Variants in CFAP43 observed in about 807,000 individuals in gnomAD.
CFAP43 encodes the protein cilia- and flagella-associated protein 43.
In CFAP43, 155 loss-of-function variants were observed where a neutral mutation model predicts 218.9. The ratio of observed to expected loss-of-function variants is 0.71; its 90% CI spans 0.62 to 0.81. The LOEUF is 0.81. Ranked by LOEUF, CFAP43 falls within the 30% of genes least tolerant of loss-of-function variation. The pLI is 0.00. For synonymous variants in CFAP43, 645 were observed against 681.3 expected (o/e 0.95, Z 0.83); for missense variants, 1,778 against 1,954.3 (o/e 0.91, Z 1.70).
At chr10:104,164,600 A>G (rs1317625657) in intron 23 of CFAP43, among the ~76,000 whole-genome samples, 1 of 152,062 alleles carries the variant, frequency 6.6e-6, no homozygotes, top group African/African-American at 2.4e-5. Flanking sequence ...GGGTTTCACT[A>G]TGTTAGCCAG....
intron 3 of CFAP43, among the ~76,000 whole-genome samples, chr10:104,221,228 G>C (rs913036462): frequency 6.6e-6 from 1 of 152,114 alleles, no homozygotes; most frequent in African/African-American, 2.4e-5. Context: ...GCCCACCTTG[G>C]CCTCCCAAAG....
rs756475731 is a variant in CFAP43, at chr10:104,162,353, G to A, written c.3297C>T (p.Ile1099=). 15 of 1,614,042 alleles carry A rather than the reference G, an allele frequency of 9.3e-6. No individual in the cohort carries two copies. Among genetic ancestry groups the A allele is most frequent in the South Asian group, 5.5e-5 (5 of 91,082 alleles). ...GCCAGTGCTCCTTTTCATGATTCAC[G>A]ATCAATTCTTTGGCTTTGTGCCACG... ...IKPWHKAKEL[I]VNHEKEHWLL... The change falls in exon 25 of 38, where the codon ATC becomes ATT. Residue 1099 remains isoleucine, a synonymous_variant. Coordinates refer to ENST00000357060, the MANE Select transcript of CFAP43 (RefSeq NM_025145.7).
chr10:104,142,366 C>T lies in CFAP43; in HGVS notation c.4186G>A (p.Glu1396Lys). The change falls in exon 33 of 38, where the codon GAA (glutamate) becomes AAA (lysine). Residue 1396 changes from glutamate to lysine, a missense_variant. By Grantham distance (56) the Glu-to-Lys change is moderately conservative. Transcript: ENST00000357060. ...KVKQKAADLL[E>K]MATFLQKRVE... ...CTCTTCTGGAGGAAAGTTGCCATTT[C>T]CAATAAGTCAGCTGCTTTCTGCTTT... 15 of 1,613,120 alleles carry T rather than the reference C, an allele frequency of 9.3e-6. No homozygotes were observed. The highest frequency in any genetic ancestry group is 1.3e-5 in the Non-Finnish European group (15 of 1,179,572).
chr10:104,232,041 A>C, intron 1 of CFAP43, 141 bp downstream of exon 1: 1 of 874,138 alleles, frequency 1.1e-6, no homozygotes, highest in Non-Finnish European at 1.7e-6. Context: ...AGGCTGAGGG[A>C]AGGCACTGGG....
Position 104,232,345 on chromosome 10 carries a change from G to A in CFAP43, c.-99C>T. 5.6e-6 allele frequency: 7 copies of A among 1,251,316 alleles called. No homozygotes were observed. Among genetic ancestry groups the A allele is most frequent in the Non-Finnish European group, 7.5e-6 (7 of 930,042 alleles). 77.5% of individuals were successfully genotyped at this position (1,251,316 alleles called of 1,614,324 possible). On this transcript the variant is annotated 5_prime_UTR_variant, in exon 1 of 38. Coordinates refer to ENST00000357060, the MANE Select transcript of CFAP43 (RefSeq NM_025145.7). ...CCGCGGGGCTGCGGGCCGCGACGCC[G>A]CTGCTGTGTACACCCGTATCCCGGA...
chr10:104,172,325 A>T (rs994241872), intron 20 of CFAP43, 85 bp downstream of exon 20: 1 of 1,511,602 alleles, frequency 6.6e-7, no homozygotes. Context: ...TCATATTCAC[A>T]TTATTATGAA....
At chr10:104,191,810 A>G (rs1431403053) in intron 12 of CFAP43, among the ~76,000 whole-genome samples, 3 of 151,644 alleles carry the variant, frequency 2.0e-5, no homozygotes, top group Non-Finnish European at 4.4e-5. Context: ...AAACACATAT[A>G]CAGTTGGCAT....
At chr10:104,184,910 G>A in intron 16 of CFAP43, 106 bp downstream of exon 16, 1 of 1,490,960 alleles carries the variant, frequency 6.7e-7, no homozygotes, top group South Asian at 1.4e-5. Flanking sequence ...TCTTTGCACT[G>A]GCAGTGGTCT....
chr10:104,171,552 C>T (rs2134844608), intron 20 of CFAP43, among the ~76,000 whole-genome samples: 1 of 152,310 alleles, frequency 6.6e-6, no homozygotes, highest in East Asian at 1.9e-4. Flanking sequence ...CTATTATAAT[C>T]CACCTTAACT....
At chr10:104,217,608 C>T (rs2091051204) in intron 3 of CFAP43, among the ~76,000 whole-genome samples, 1 of 152,130 alleles carries the variant, frequency 6.6e-6, no homozygotes, top group African/African-American at 2.4e-5. Flanking sequence ...ACATGGCCTC[C>T]ACTGCGAATG....
chr10:104,208,667 CATG>C (rs1367380738), intron 5 of CFAP43, among the ~76,000 whole-genome samples: 1 of 152,120 alleles, frequency 6.6e-6, no homozygotes, highest in Admixed American at 6.5e-5. Flanking sequence ...ATTTTGATCA[CATG>C]ATGACAAAAC....
intron 25 of CFAP43, 91 bp from the exon 26 acceptor site, chr10:104,162,132 A>C: frequency 7.3e-7 from 1 of 1,371,292 alleles, no homozygotes; most frequent in Non-Finnish European, 1.0e-6. Context: ...CAACATTAGA[A>C]TGACTGCATT....
At chr10:104,178,110 GA>G (rs2089695313) in intron 19 of CFAP43, among the ~76,000 whole-genome samples, 1 of 152,142 alleles carries the variant, frequency 6.6e-6, no homozygotes, top group African/African-American at 2.4e-5. Flanking sequence ...TACACACCAA[GA>G]AAACAAAGAA....
chr10:104,133,526 G>C, intron 35 of CFAP43, 94 bp downstream of exon 35: 2 of 1,302,300 alleles, frequency 1.5e-6, no homozygotes, highest in Non-Finnish European at 2.1e-6. Flanking sequence ...GAATATGCTT[G>C]ATATCACAGA....
chr10:104,197,917 T>C lies in CFAP43; in HGVS notation c.1212+5A>G. On this transcript the variant is annotated splice_donor_5th_base_variant and intron_variant, in intron 9 of 37. Transcript: ENST00000357060. The stretch of plus-strand genomic sequence containing the variant: ...CCTACTGTGACACAGTAAAATATTC[T>C]TTACCATGAAGTATTGGGTTCCAGG... The C allele has an allele frequency of 6.4e-7, 1 of 1,566,292 alleles. No homozygotes were observed. Among genetic ancestry groups the C allele is most frequent in the South Asian group, 1.1e-5 (1 of 89,406 alleles).
At chr10:104,192,358 G>A in intron 11 of CFAP43, 56 bp from the exon 12 acceptor site, 1 of 1,362,502 alleles carries the variant, frequency 7.3e-7, no homozygotes, top group Non-Finnish European at 1.0e-6. Context: ...GCTAGATGGT[G>A]AACAAGTTTA....
chr10:104,149,701 TGTTA>T (rs796886112), intron 28 of CFAP43, among the ~76,000 whole-genome samples: 13 of 152,356 alleles, frequency 8.5e-5, no homozygotes, highest in East Asian at 3.9e-4. Flanking sequence ...CTGAGTAGTC[TGTTA>T]GTTTCCTCAT....
chr10:104,182,147 A>G (rs1027815946), intron 17 of CFAP43, among the ~76,000 whole-genome samples: 7 of 152,190 alleles, frequency 4.6e-5, no homozygotes, highest in Non-Finnish European at 7.3e-5. Context: ...ATCTTGTACT[A>G]TGGTTTAAAT....
rs1238338598 is a variant in CFAP43, at chr10:104,186,087, T to C, written c.1897A>G (p.Lys633Glu). The C allele has an allele frequency of 6.4e-7, 1 of 1,566,106 alleles. No individual in the cohort carries two copies. The highest frequency in any genetic ancestry group is 1.4e-5 in the African/African-American group (1 of 71,990). The change falls in exon 15 of 38, where the codon AAA (lysine) becomes GAA (glutamate). Residue 633 changes from lysine to glutamate, a missense_variant. By Grantham distance (56) the Lys-to-Glu change is moderately conservative. This residue lies in a region of CFAP43 where 1,553 missense variants were observed against 1,685.2 expected (regional missense o/e 0.92). Transcript: ENST00000357060. The stretch of plus-strand genomic sequence containing the variant: ...GGTCCATACTGTCTGCTTTGTACTT[T>C]TTTGTATGGTTTAAGAATGTAGATA... ...TGIYILKPYKKVQSRQYGPGL... is the reference protein window; with the variant it reads ...TGIYILKPYKEVQSRQYGPGL...
Sources: gnomAD v4.1 joint callset for allele counts (sites outside exome capture counted in the v4.1 genomes callset) on GRCh38, gnomAD v4.1.1 for gene constraint, gnomAD v4.1.1 regional missense constraint, MANE v1.5 for transcripts, NCBI Gene and HGNC (gene_info 2026-07-23, HGNC 2026-07-21) for gene names.